Variants in EYS observed in about 807,000 individuals in gnomAD.
EYS encodes the protein protein eyes shut homolog.
A neutral mutation model predicts 282.1 loss-of-function variants in EYS; 250 were observed. The ratio of observed to expected loss-of-function variants is 0.89; its 90% CI spans 0.80 to 0.98. EYS has a LOEUF of 0.98. Among genes scored for constraint, EYS ranks in the 50% least tolerant of loss-of-function variants. EYS has a pLI of 0.00. For missense variants in EYS, 4,016 were observed against 3,709.0 expected (o/e 1.08, Z -2.15); for synonymous variants, 1,355 against 1,282.9 (o/e 1.06, Z -1.20).
intron 35 of EYS, among the ~76,000 whole-genome samples, chr6:63,943,820 AC>A (rs1765310980): frequency 6.6e-6 from 1 of 152,208 alleles, no homozygotes; most frequent in African/African-American, 2.4e-5. Flanking sequence ...GCTTTTGCTT[AC>A]CTAGTTTCCT....
At chr6:63,961,636 G>C (rs189920528) in intron 35 of EYS, among the ~76,000 whole-genome samples, 1 of 152,102 alleles carries the variant, frequency 6.6e-6, no homozygotes, top group Non-Finnish European at 1.5e-5. Context: ...AAGCCTGTTT[G>C]GTGGTCTCTT....
chr6:64,010,830 T>C (rs983067723), intron 33 of EYS, among the ~76,000 whole-genome samples: 1 of 152,178 alleles, frequency 6.6e-6, no homozygotes, highest in Non-Finnish European at 1.5e-5. Flanking sequence ...CACAGGTCCA[T>C]TCACAGAGCT....
chr6:63,883,197 G>C (rs1322874202), intron 35 of EYS, among the ~76,000 whole-genome samples: 1 of 152,066 alleles, frequency 6.6e-6, no homozygotes, highest in Non-Finnish European at 1.5e-5. Context: ...TCTTACTAAG[G>C]CCTCCAGGGC....
At chr6:64,130,447 A>G (rs1038295450) in intron 31 of EYS, among the ~76,000 whole-genome samples, 9 of 152,176 alleles carry the variant, frequency 5.9e-5, no homozygotes, top group African/African-American at 2.2e-4. Context: ...ACATGGACAC[A>G]GGAAAGGGAA....
chr6:65,280,781 G>A (rs1221726934), intron 12 of EYS, among the ~76,000 whole-genome samples: 1 of 151,212 alleles, frequency 6.6e-6, no homozygotes, highest in South Asian at 2.1e-4. Context: ...ACTTTGGGAG[G>A]CCAAGGTGGG....
At chr6:64,103,537 T>A (rs1472211341) in intron 31 of EYS, among the ~76,000 whole-genome samples, 1 of 152,076 alleles carries the variant, frequency 6.6e-6, no homozygotes, top group African/African-American at 2.4e-5. Context: ...TTGAGAAAAG[T>A]CTGAAGTTCA....
chr6:64,891,399 C>T (rs1485008960), intron 18 of EYS, among the ~76,000 whole-genome samples: 2 of 152,040 alleles, frequency 1.3e-5, no homozygotes, highest in Non-Finnish European at 2.9e-5. Context: ...ACCTGCCCTG[C>T]CCTGCTCTCT....
intron 36 of EYS, among the ~76,000 whole-genome samples, chr6:63,830,155 C>T (rs1316507365): frequency 6.6e-6 from 1 of 152,192 alleles, no homozygotes; most frequent in Non-Finnish European, 1.5e-5. Flanking sequence ...ATCGGAGTGT[C>T]TCTTCTCCTC....
rs925961305 is a variant in EYS at position 65,530,085 on chromosome 6, T to A, written c.-332-34092A>T. On this transcript the variant is annotated intron_variant, in intron 2 of 42. Coordinates refer to ENST00000503581, the MANE Select transcript of EYS (RefSeq NM_001142800.2). Reference sequence around the variant, plus strand: ...TTTTTGTCTCAGCCTTGGGATTGTATCCTATAATAAATCATTAAAATCAAT... The same window carrying A: ...TTTTTGTCTCAGCCTTGGGATTGTAACCTATAATAAATCATTAAAATCAAT... 2.6e-5 allele frequency among the ~76,000 whole-genome samples: 4 copies of A among 152,328 alleles called. No individual in the cohort carries two copies. The South Asian group carries it at 8.3e-4, about 32-fold the overall frequency.
At chr6:63,731,546 T>A (rs1351637784) in intron 41 of EYS, among the ~76,000 whole-genome samples, 1 of 152,186 alleles carries the variant, frequency 6.6e-6, no homozygotes, top group Non-Finnish European at 1.5e-5. Context: ...ATTTACTTGT[T>A]TTGTCTTATT....
chr6:64,802,302 C>A (rs761501136), intron 22 of EYS, among the ~76,000 whole-genome samples: 1 of 151,814 alleles, frequency 6.6e-6, no homozygotes, highest in Non-Finnish European at 1.5e-5. Flanking sequence ...CCATCCGCCT[C>A]GGCTTCCCTA....
intron 35 of EYS, among the ~76,000 whole-genome samples, chr6:63,872,272 T>A (rs1384831525): frequency 6.6e-6 from 1 of 151,940 alleles, no homozygotes; most frequent in Non-Finnish European, 1.5e-5. Context: ...TTTCTGTCAC[T>A]CAATGGCCAC....
chr6:65,104,657 C>T (rs1029875962), intron 12 of EYS, among the ~76,000 whole-genome samples: 6 of 151,420 alleles, frequency 4.0e-5, no homozygotes, highest in Non-Finnish European at 7.4e-5. Flanking sequence ...TCTTTCTCTC[C>T]TAAAATGCAT....
chr6:64,532,412 C>T (rs922624959), intron 26 of EYS, among the ~76,000 whole-genome samples: 1 of 152,076 alleles, frequency 6.6e-6, no homozygotes, highest in Non-Finnish European at 1.5e-5. Flanking sequence ...TTACAGGAAA[C>T]ATTTAAAATA....
At chr6:65,689,915 T>G (rs1212281201) in intron 1 of EYS, among the ~76,000 whole-genome samples, 2 of 149,712 alleles carry the variant, frequency 1.3e-5, no homozygotes, top group African/African-American at 4.9e-5. Context: ...TAGTGAAAGC[T>G]GGGTCCAGGG....
At chr6:63,947,001 A>T (rs144007763) in intron 35 of EYS, among the ~76,000 whole-genome samples, 80 of 152,168 alleles carry the variant, frequency 5.3e-4, no homozygotes, top group African/African-American at 1.8e-3. Flanking sequence ...AATTTAAAAG[A>T]TATCTGTGGT....
intron 5 of EYS, among the ~76,000 whole-genome samples, chr6:65,466,722 A>G (rs1765013465): frequency 6.6e-6 from 1 of 152,212 alleles, no homozygotes; most frequent in African/African-American, 2.4e-5. Flanking sequence ...ACAGGGTTGC[A>G]TGAGAAGGGA....
At chr6:63,816,738 A>C (rs1227235524) in intron 36 of EYS, among the ~76,000 whole-genome samples, 1 of 152,226 alleles carries the variant, frequency 6.6e-6, no homozygotes, top group African/African-American at 2.4e-5. Context: ...AGGCATGTAC[A>C]TGTACGCAAA....
At chr6:63,895,856 C>T (rs1773522108) in intron 35 of EYS, among the ~76,000 whole-genome samples, 2 of 150,956 alleles carry the variant, frequency 1.3e-5, no homozygotes, top group Non-Finnish European at 2.9e-5. Context: ...TCCAAATCTT[C>T]CTCTAATTTA....
Sources: allele counts gnomAD v4.1 joint callset (sites outside exome capture counted in the v4.1 genomes callset), GRCh38; gene constraint gnomAD v4.1.1; transcripts MANE v1.5; gene names NCBI Gene and HGNC (gene_info 2026-07-23, HGNC 2026-07-21).